The following PDE4D variants were observed in gnomAD, a reference collection of about 807,000 sequenced individuals.
The protein encoded by PDE4D is 3',5'-cyclic-AMP phosphodiesterase 4D.
A neutral mutation model predicts 87.4 loss-of-function variants in PDE4D; 24 were observed. The ratio of observed to expected loss-of-function variants is 0.27; its 90% CI spans 0.20 to 0.39. The LOEUF is 0.39. Ranked by LOEUF, PDE4D falls within the 10% of genes least tolerant of loss-of-function variation. PDE4D has a pLI of 1.00. For missense variants in PDE4D, 714 were observed against 1,041.0 expected (o/e 0.69, Z 4.32); for synonymous variants, 384 against 383.2 (o/e 1.00, Z -0.02).
chr5:59,022,226 C>A (rs1253144174), intron 6 of PDE4D, among the ~76,000 whole-genome samples: 5 of 152,122 alleles, frequency 3.3e-5, no homozygotes, highest in African/African-American at 1.2e-4. Flanking sequence ...AGGTTCAGTC[C>A]AACCAGGTTT....
At chr5:59,727,499 A>T (rs893191) in intron 1 of PDE4D, among the ~76,000 whole-genome samples, 71,342 of 151,958 alleles carry the variant, frequency 0.47, 19,363 homozygotes, top group African/African-American at 0.75. Context: ...TACTCTTTCC[A>T]CAGGAGTAAA....
At chr5:60,102,695 A>G (rs1776357233) in intron 2 of PDE4D, among the ~76,000 whole-genome samples, 1 of 152,186 alleles carries the variant, frequency 6.6e-6, no homozygotes, top group Non-Finnish European at 1.5e-5. Context: ...TTGAAATAGA[A>G]AACAGATAAA....
chr5:59,967,057 T>C (rs968293136), intron 3 of PDE4D, among the ~76,000 whole-genome samples: 2 of 152,186 alleles, frequency 1.3e-5, no homozygotes, highest in African/African-American at 4.8e-5. Context: ...ACCTGGAGTT[T>C]TCTCAGAATC....
At chr5:60,001,340 A>C (rs1393370995) in intron 2 of PDE4D, among the ~76,000 whole-genome samples, 2 of 152,214 alleles carry the variant, frequency 1.3e-5, no homozygotes, top group Non-Finnish European at 2.9e-5. Context: ...ATAATATGGA[A>C]TAATATATTC....
chr5:60,415,813 G>C (rs6875484), intron 1 of PDE4D, among the ~76,000 whole-genome samples: 3 of 152,152 alleles, frequency 2.0e-5, no homozygotes, highest in Non-Finnish European at 4.4e-5. Flanking sequence ...CGTAGGGCGC[G>C]GGACTGGCAG....
chr5:59,144,863 G>A (rs2153456987), intron 5 of PDE4D, among the ~76,000 whole-genome samples: 1 of 116,420 alleles, frequency 8.6e-6, no homozygotes, highest in Non-Finnish European at 1.6e-5. Context: ...CCCTTTTAGA[G>A]ACCGTATTCC....
chr5:60,044,684 G>A (rs960061684), intron 2 of PDE4D, among the ~76,000 whole-genome samples: 1 of 152,182 alleles, frequency 6.6e-6, no homozygotes, highest in Non-Finnish European at 1.5e-5. Flanking sequence ...TCCCTACAAA[G>A]GACATGAACT....
In PDE4D at chr5:59,843,341, C is replaced by T. The variant is rs1371529677; in HGVS notation, c.455+49827G>A. On this transcript the variant is annotated intron_variant, in intron 1 of 14. Transcript: ENST00000340635. ...TGCACTTGCTTTTCAGTTTTTGGAG[C>T]AAGAGAGAGGAAATACATTTTGTTA... Among the ~76,000 whole-genome samples, 4 of 151,892 alleles carry T rather than the reference C, an allele frequency of 2.6e-5. No homozygotes were observed. The East Asian group carries it at 7.8e-4, about 30-fold the overall frequency.
At chr5:58,980,551 T>G (rs1744865797) in intron 11 of PDE4D, among the ~76,000 whole-genome samples, 1 of 152,184 alleles carries the variant, frequency 6.6e-6, no homozygotes, top group Non-Finnish European at 1.5e-5. Context: ...CATTTTATTA[T>G]ATATAGATCA....
At chr5:59,630,276 C>A (rs961922730) in intron 1 of PDE4D, among the ~76,000 whole-genome samples, 2 of 152,182 alleles carry the variant, frequency 1.3e-5, no homozygotes, top group African/African-American at 4.8e-5. Context: ...ACTCTTTTCT[C>A]AGCCTTTTCC....
chr5:59,733,701 TTTG>T (rs1242946329), intron 1 of PDE4D, among the ~76,000 whole-genome samples: 6 of 152,026 alleles, frequency 3.9e-5, no homozygotes, highest in Admixed American at 3.9e-4. Context: ...CAATGTTGTT[TTTG>T]TGAATGGTAA....
chr5:60,182,901 T>C (rs947602573), intron 2 of PDE4D, among the ~76,000 whole-genome samples: 1 of 150,932 alleles, frequency 6.6e-6, no homozygotes, highest in Non-Finnish European at 1.5e-5. Flanking sequence ...AAAAAAAGAA[T>C]ATCAAACTCT....
At chr5:60,145,309 T>A (rs1015866864) in intron 2 of PDE4D, among the ~76,000 whole-genome samples, 1 of 152,190 alleles carries the variant, frequency 6.6e-6, no homozygotes, top group Non-Finnish European at 1.5e-5. Flanking sequence ...CAAGAATGAC[T>A]TCTCCATCTC....
chr5:59,745,020 T>C (rs1759402344), intron 1 of PDE4D, among the ~76,000 whole-genome samples: 1 of 152,220 alleles, frequency 6.6e-6, no homozygotes, highest in South Asian at 2.1e-4. Flanking sequence ...GGGTAAAATC[T>C]GTATTTCCAT....
At chr5:59,615,169 G>A (rs1346811968) in intron 1 of PDE4D, among the ~76,000 whole-genome samples, 1 of 152,072 alleles carries the variant, frequency 6.6e-6, no homozygotes, top group Non-Finnish European at 1.5e-5. Context: ...CTAGCCATGC[G>A]CTTCTTACCT....
intron 1 of PDE4D, among the ~76,000 whole-genome samples, chr5:59,451,977 C>T (rs922345589): frequency 6.6e-6 from 1 of 152,212 alleles, no homozygotes; most frequent in African/African-American, 2.4e-5. Context: ...CTAGAAAAAC[C>T]TTGTCCAATC....
chr5:60,015,981 G>A (rs962232356), intron 2 of PDE4D, among the ~76,000 whole-genome samples: 18 of 151,086 alleles, frequency 1.2e-4, no homozygotes, highest in Admixed American at 4.0e-4. Flanking sequence ...TCTGCCTCCT[G>A]GGTTCACGCC....
At chr5:59,589,898 A>C (rs1825684009) in intron 1 of PDE4D, among the ~76,000 whole-genome samples, 1 of 152,202 alleles carries the variant, frequency 6.6e-6, no homozygotes, top group African/African-American at 2.4e-5. Context: ...TATACATGCA[A>C]CTGTCTAGAA....
intron 3 of PDE4D, among the ~76,000 whole-genome samples, chr5:59,906,131 T>G (rs1752783601): frequency 6.6e-6 from 1 of 152,164 alleles, no homozygotes; most frequent in Non-Finnish European, 1.5e-5. Flanking sequence ...GAAGGTATTG[T>G]TATTCCTAAT....
Sources: gnomAD v4.1 joint callset for allele counts (sites outside exome capture counted in the v4.1 genomes callset) on GRCh38, gnomAD v4.1.1 for gene constraint, MANE v1.5 for transcripts, NCBI Gene and HGNC (gene_info 2026-07-23, HGNC 2026-07-21) for gene names.